STS: variants seen among roughly 807,000 people sequenced by gnomAD.
The protein encoded by STS is steryl-sulfatase.
In STS, 7 loss-of-function variants were observed where a neutral mutation model predicts 26.8. The ratio of observed to expected loss-of-function variants is 0.26; its 90% CI spans 0.15 to 0.49. STS has a LOEUF of 0.49. Ranked by LOEUF, STS falls within the 20% of genes least tolerant of loss-of-function variation. The pLI is 0.98. For synonymous variants in STS, 199 were observed against 189.4 expected (o/e 1.05, Z -0.42); for missense variants, 434 against 465.6 (o/e 0.93, Z 0.63).
In STS at chrX:7,187,821, A is replaced by G. The variant is rs1222900198; in HGVS notation, c.-133-3059A>G. Among the ~76,000 whole-genome samples the G allele has an allele frequency of 1.8e-4, 20 of 111,611 alleles. No homozygotes were observed. In the Admixed American group the frequency reaches 1.8e-3, roughly 10 times the overall value. ...GGCTTTTTGTGTCTCAGAATTATGG[A>G]CAACGGATGGCAAACCCCAATGGCA... On this transcript the variant is annotated intron_variant, in intron 1 of 10. Coordinates refer to ENST00000674429, the MANE Select transcript of STS (RefSeq NM_001320752.2).
At chrX:7,186,645 G>T (rs1265643747) in intron 1 of STS, among the ~76,000 whole-genome samples, 1 of 112,178 alleles carries the variant, frequency 8.9e-6, no homozygotes, top group East Asian at 2.8e-4. Context: ...CTTCTCCTAA[G>T]ATGGAGTCAC....
intron 2 of STS, among the ~76,000 whole-genome samples, chrX:7,241,109 T>A (rs1298993373): frequency 1.8e-5 from 2 of 111,796 alleles, no homozygotes; most frequent in Non-Finnish European, 3.8e-5. Flanking sequence ...GCGCACAGTT[T>A]GTAGGAATAC....
intron 1 of STS, among the ~76,000 whole-genome samples, chrX:7,158,387 C>T (rs1326312020): frequency 8.9e-6 from 1 of 111,975 alleles, no homozygotes; most frequent in Non-Finnish European, 1.9e-5. Context: ...AGCAGAGAGG[C>T]GCCACTTGAA....
intron 8 of STS, among the ~76,000 whole-genome samples, chrX:7,309,535 C>T (rs1203790460): frequency 1.8e-5 from 2 of 110,062 alleles, no homozygotes; most frequent in East Asian, 2.9e-4. Flanking sequence ...CACGTGAATC[C>T]TCAAACCTAA....
intron 1 of STS, among the ~76,000 whole-genome samples, chrX:7,188,219 G>T (rs1933808853): frequency 8.9e-6 from 1 of 111,814 alleles, no homozygotes; most frequent in Admixed American, 9.5e-5. Flanking sequence ...TGTGCTTGTA[G>T]CCACACCCAC....
At chrX:7,167,430 G>A (rs1365461045) in intron 1 of STS, among the ~76,000 whole-genome samples, 13 of 110,935 alleles carry the variant, frequency 1.2e-4, no homozygotes, top group African/African-American at 3.6e-4. Context: ...TGGTCAGGCT[G>A]GTCTCGAACT....
intron 8 of STS, among the ~76,000 whole-genome samples, chrX:7,311,603 T>A (rs1274559199): frequency 8.9e-6 from 1 of 112,166 alleles, no homozygotes; most frequent in Non-Finnish European, 1.9e-5. Context: ...ATCCCAGCAC[T>A]TTGGGAGGCT....
chrX:7,278,572 G>A (rs771314191), intron 7 of STS, among the ~76,000 whole-genome samples: 1 of 112,174 alleles, frequency 8.9e-6, no homozygotes, highest in South Asian at 3.7e-4. Context: ...CCGTGATTGT[G>A]GCTTACTGCC....
chrX:7,173,244 C>G (rs1198035437), intron 1 of STS, among the ~76,000 whole-genome samples: 2 of 111,509 alleles, frequency 1.8e-5, no homozygotes, highest in African/African-American at 3.3e-5. Flanking sequence ...CCACTCTCAT[C>G]CATGTCCCTG....
chrX:7,274,671 A>T (rs1463441528), intron 6 of STS, among the ~76,000 whole-genome samples: 2 of 111,921 alleles, frequency 1.8e-5, no homozygotes, highest in Admixed American at 9.5e-5. Context: ...GTGACTTATA[A>T]CTCTTGAGTA....
chrX:7,340,201 G>A lies in STS; in HGVS notation c.1363+6094G>A, dbSNP rs527475038. 8.1e-5 allele frequency among the ~76,000 whole-genome samples: 9 copies of A among 110,565 alleles called. No individual in the cohort carries two copies. The South Asian group carries it at 1.2e-3, about 14-fold the overall frequency. On this transcript the variant is annotated intron_variant, in intron 10 of 10. Transcript: ENST00000674429. The stretch of plus-strand genomic sequence containing the variant: ...TTCCCCTTGCATTCTCCGTCCTACC[G>A]TTTCATTGATTTTCTACAGTATTTT...
At position 7,350,878 on chromosome X, in the gene STS, C is replaced by G. The variant is rs1418234091; in HGVS notation, c.*617C>G. On this transcript the variant is annotated 3_prime_UTR_variant, in exon 11 of 11. Coordinates refer to ENST00000674429, the MANE Select transcript of STS (RefSeq NM_001320752.2). ...CACATATCAAATGCTTGCTCTTCAT[C>G]ATATATATAGTTATGCATACATACA... 7.0e-5 allele frequency: 8 copies of G among 113,525 alleles called. No individual in the cohort carries two copies. The highest frequency in any genetic ancestry group is 2.6e-4 in the African/African-American group (8 of 30,733). 9.4% of individuals were successfully genotyped at this position (113,525 alleles called of 1,213,427 possible). A position where few individuals can be genotyped will look rare whatever the true frequency, so the allele number is the denominator to read the frequency against.
intron 8 of STS, among the ~76,000 whole-genome samples, chrX:7,318,446 A>G (rs933806100): frequency 1.8e-5 from 2 of 111,203 alleles, no homozygotes; most frequent in African/African-American, 3.3e-5. Flanking sequence ...TTCCTCCAAC[A>G]TGTTTTTCCA....
intron 9 of STS, among the ~76,000 whole-genome samples, chrX:7,326,529 G>T (rs1325680495): frequency 9.0e-6 from 1 of 111,458 alleles, no homozygotes; most frequent in Non-Finnish European, 1.9e-5. Flanking sequence ...ATGCAGCCGG[G>T]TCCCCAGCTA....
chrX:7,284,048 T>C (rs1925006014), intron 7 of STS, among the ~76,000 whole-genome samples: 1 of 111,149 alleles, frequency 9.0e-6, no homozygotes, highest in Non-Finnish European at 1.9e-5. Context: ...GGCTGTCCTG[T>C]GATTCCTAGG....
At position 7,259,494 on chromosome X, in the gene STS, C is replaced by T. The variant is rs751989009; in HGVS notation, c.528C>T (p.Gly176=). ...GAGAGGGCAGTGTCTTCACCACGGG[C>T]TTCAAGAGGCTGGTCTTCCTCCCCC... is the stretch of plus-strand genomic sequence containing the variant. ...KPGEGSVFTT[G]FKRLVFLPLQ... Residue 176 remains glycine, a synonymous_variant, in exon 6 of 11, where the codon GGC becomes GGT. Transcript: ENST00000674429. 34 of 1,209,934 alleles carry T rather than the reference C, an allele frequency of 2.8e-5. No homozygotes were observed. Among genetic ancestry groups the T allele is most frequent in the African/African-American group, 3.5e-5 (2 of 57,206 alleles).
intron 1 of STS, among the ~76,000 whole-genome samples, chrX:7,160,269 T>TAA (rs1286242493): frequency 8.0e-5 from 9 of 112,337 alleles, no homozygotes; most frequent in Admixed American, 3.8e-4. Context: ...GTCTTTGCTC[T>TAA]GGGAGGCGGA....
At chrX:7,150,952 T>C (rs1933000514) in intron 1 of STS, among the ~76,000 whole-genome samples, 1 of 112,293 alleles carries the variant, frequency 8.9e-6, no homozygotes, top group Admixed American at 9.4e-5. Flanking sequence ...TGTACAGTTG[T>C]GTTCTCCCCA....
At chrX:7,281,852 G>A (rs1248746875) in intron 7 of STS, among the ~76,000 whole-genome samples, 1 of 112,238 alleles carries the variant, frequency 8.9e-6, no homozygotes, top group Non-Finnish European at 1.9e-5. Flanking sequence ...ATGGACTGTA[G>A]CATGCAATGA....
Sources: gnomAD v4.1 joint callset for allele counts (sites outside exome capture counted in the v4.1 genomes callset) on GRCh38, gnomAD v4.1.1 for gene constraint, MANE v1.5 for transcripts, NCBI Gene and HGNC (gene_info 2026-07-23, HGNC 2026-07-21) for gene names.